Variants in RFX2 observed in about 807,000 individuals in gnomAD.
The protein encoded by RFX2 is DNA-binding protein RFX2.
A neutral mutation model predicts 87.8 loss-of-function variants in RFX2; 20 were observed. The ratio of observed to expected loss-of-function variants is 0.23; its 90% CI spans 0.16 to 0.33. The LOEUF (loss-of-function observed/expected upper bound fraction) is 0.33. Among genes scored for constraint, RFX2 ranks in the 10% least tolerant of loss-of-function variants. The probability of loss-of-function intolerance (pLI) is 1.00; values close to 1 mark genes in which losing one functional copy is unlikely to be tolerated. For synonymous variants in RFX2, 397 were observed against 431.3 expected (o/e 0.92, Z 0.98); for missense variants, 767 against 1,012.3 (o/e 0.76, Z 3.29).
rs1477131203 is a variant in RFX2, at chr19:6,086,458, A to G, written c.-9+23935T>C. On this transcript the variant is annotated intron_variant, in intron 1 of 17. Coordinates refer to ENST00000303657, the MANE Select transcript of RFX2 (RefSeq NM_000635.4). The stretch of plus-strand genomic sequence containing the variant: ...AGGCAATTGTAACACAGTGGTAAGT[A>G]TTTGTATCTCCAAACATGGCTAAGC... Among the ~76,000 whole-genome samples, 4 of 152,238 alleles carry G rather than the reference A, an allele frequency of 2.6e-5. No homozygotes were observed. In the East Asian group the frequency reaches 5.8e-4, roughly 22 times the overall value.
intron 3 of RFX2, among the ~76,000 whole-genome samples, chr19:6,043,423 G>C (rs10424464): frequency 0.02 from 3,019 of 152,350 alleles, 97 homozygotes; most frequent in African/African-American, 0.068. Flanking sequence ...GAAGAGCGGT[G>C]CATTCTCTAG....
At chr19:6,084,639 C>CTTCTTTTTTT (rs2087831336) in intron 1 of RFX2, among the ~76,000 whole-genome samples, 1 of 122,944 alleles carries the variant, frequency 8.1e-6, no homozygotes, top group Non-Finnish European at 1.6e-5. Context: ...TTCTTTCTTT[C>CTTCTTTTTTT]TTTCTTTTTT....
At chr19:6,081,736 T>A (rs1427998413) in intron 1 of RFX2, among the ~76,000 whole-genome samples, 2 of 152,192 alleles carry the variant, frequency 1.3e-5, no homozygotes, top group Non-Finnish European at 2.9e-5. Context: ...GTGGATCACC[T>A]GAGGTCGGGA....
At chr19:6,003,449 C>T (rs1282215407) in intron 13 of RFX2, among the ~76,000 whole-genome samples, 1 of 152,104 alleles carries the variant, frequency 6.6e-6, no homozygotes, top group Non-Finnish European at 1.5e-5. Context: ...GGGTGCCCTG[C>T]AGCTGCCTCC....
intron 5 of RFX2, among the ~76,000 whole-genome samples, chr19:6,034,803 G>A (rs992786753): frequency 6.6e-6 from 1 of 152,150 alleles, no homozygotes; most frequent in Non-Finnish European, 1.5e-5. Context: ...ACCAGGAAGG[G>A]GTGCTCTCTG....
intron 1 of RFX2, among the ~76,000 whole-genome samples, chr19:6,095,685 G>A (rs1350082014): frequency 6.6e-6 from 1 of 152,032 alleles, no homozygotes; most frequent in African/African-American, 2.4e-5. Flanking sequence ...GGGGGAAATA[G>A]GATGGACCAC....
rs2087065117 is a variant in RFX2, at chr19:6,039,093, T to TAAAC, written c.522+883_522+886dup. ...AAATGGCCCTCAACTAGTGAATGAA[T>TAAAC]AAACAAACTGTAGTGTAATAGAATA... is the stretch of plus-strand genomic sequence containing the variant. On this transcript the variant is annotated intron_variant, in intron 5 of 17. Coordinates refer to ENST00000303657, the MANE Select transcript of RFX2 (RefSeq NM_000635.4). This position sits in a 1 kb window ranked among gnomAD's most constrained non-coding sequence, Gnocchi z 5.2. Among the ~76,000 whole-genome samples, 1 of 152,040 alleles carries TAAAC rather than the reference T, an allele frequency of 6.6e-6. No individual in the cohort carries two copies. The highest frequency in any genetic ancestry group is 6.6e-5 in the Admixed American group (1 of 15,264).
chr19:6,035,918 T>C lies in RFX2; in HGVS notation c.522+4062A>G, dbSNP rs115091546. On this transcript the variant is annotated intron_variant, in intron 5 of 17. Transcript: ENST00000303657. ...ACATAGCCTATTCACGGATTTCTAA[T>C]TGATTTAATAATTTAGTTCTTCCAG... 1.7e-3 allele frequency among the ~76,000 whole-genome samples: 264 copies of C among 151,646 alleles called. 1 individual carries two copies. The highest frequency in any genetic ancestry group is 6.0e-3 in the African/African-American group (246 of 41,264).
chr19:6,097,865 G>C (rs1036679933), intron 1 of RFX2, among the ~76,000 whole-genome samples: 2 of 152,164 alleles, frequency 1.3e-5, no homozygotes, highest in African/African-American at 4.8e-5. Flanking sequence ...TTACAGGCAT[G>C]AGCCACTGTG....
chr19:6,019,445 T>C (rs2086775913), intron 6 of RFX2, among the ~76,000 whole-genome samples: 1 of 151,528 alleles, frequency 6.6e-6, no homozygotes, highest in Non-Finnish European at 1.5e-5. Context: ...AGCTCCGGAG[T>C]CTTCCCTGTA....
intron 3 of RFX2, 102 bp from the exon 4 acceptor site, chr19:6,042,225 A>ACAATTGCCTTTAT (rs2087120725): frequency 9.9e-7 from 1 of 1,009,008 alleles, no homozygotes; most frequent in African/African-American, 1.6e-5. Flanking sequence ...ATGAACATTT[A>ACAATTGCCTTTAT]GTACCAAATG....
intron 1 of RFX2, among the ~76,000 whole-genome samples, chr19:6,092,181 G>GT (rs2087945244): frequency 6.6e-6 from 1 of 152,228 alleles, no homozygotes; most frequent in African/African-American, 2.4e-5. Context: ...AATTGTTTAC[G>GT]TAGAGTTAAA....
At position 6,007,671 on chromosome 19, in the gene RFX2, G is replaced by A. The variant is rs1223018213; in HGVS notation, c.1247+19C>T. 1.3e-6 allele frequency: 2 copies of A among 1,489,852 alleles called. No homozygotes were observed. The highest frequency in any genetic ancestry group is 1.8e-6 in the Non-Finnish European group (2 of 1,090,782). 92.3% of individuals were successfully genotyped at this position (1,489,852 alleles called of 1,614,324 possible). A position where few individuals can be genotyped will look rare whatever the true frequency, so the allele number is the denominator to read the frequency against. ...TAAGTCTGGGGTGGCTGTGAACCCAGCCAGGGTGTGGCAGTCACCTGGCAG... is the reference window on the plus strand; with the variant it reads ...TAAGTCTGGGGTGGCTGTGAACCCAACCAGGGTGTGGCAGTCACCTGGCAG... On this transcript the variant is annotated intron_variant, in intron 11 of 17. Transcript: ENST00000303657. The surrounding 1 kb of genome is among the most constrained non-coding windows in gnomAD (Gnocchi z 8.2).
Position 5,997,425 on chromosome 19 carries a change from CT to C in RFX2, c.1860-213del. The C allele has an allele frequency of 1.8e-6, 1 of 555,378 alleles. No individual in the cohort carries two copies. The highest frequency in any genetic ancestry group is 3.1e-6 in the Non-Finnish European group (1 of 318,952). 34.4% of individuals were successfully genotyped at this position (555,378 alleles called of 1,614,324 possible). Reference sequence around the variant, plus strand: ...CGGACAGGTGGGGCCGGCCTGCGCGCTCAGTTCCAGAGACCACCTGGGGAAC... The same window carrying C: ...CGGACAGGTGGGGCCGGCCTGCGCGCCAGTTCCAGAGACCACCTGGGGAAC... On this transcript the variant is annotated intron_variant, in intron 15 of 17. Transcript: ENST00000303657. The surrounding 1 kb of genome is among the most constrained non-coding windows in gnomAD (Gnocchi z 4.2).
At chr19:6,035,850 G>GGGTGTGTGT (rs1555776252) in intron 5 of RFX2, among the ~76,000 whole-genome samples, 10 of 137,166 alleles carry the variant, frequency 7.3e-5, no homozygotes, top group African/African-American at 3.0e-4. Context: ...CTTGGTGGGG[G>GGGTGTGTGT]GTGTGTGTGT....
At chr19:6,015,956 TA>T in intron 7 of RFX2, 133 bp downstream of exon 7, 1 of 754,782 alleles carries the variant, frequency 1.3e-6, no homozygotes, top group Non-Finnish European at 1.9e-6. Context: ...CAATTGAAAG[TA>T]ACTGCAAGCA....
rs2086853504 is a variant in RFX2 at position 6,023,969 on chromosome 19, G to A, written c.597+2194C>T. Among the ~76,000 whole-genome samples the A allele has an allele frequency of 1.3e-5, 2 of 152,216 alleles. 1 individual carries two copies. Among genetic ancestry groups the A allele is most frequent in the South Asian group, 4.1e-4 (2 of 4,826 alleles). On this transcript the variant is annotated intron_variant, in intron 6 of 17. Coordinates refer to ENST00000303657, the MANE Select transcript of RFX2 (RefSeq NM_000635.4). This position sits in a 1 kb window ranked among gnomAD's most constrained non-coding sequence, Gnocchi z 4.9. ...TAATATTTGTATTTTTGGTAGAGATGGGGTTTCGTCATGTTGGTCAGGCTG... is the reference window on the plus strand; with the variant it reads ...TAATATTTGTATTTTTGGTAGAGATAGGGTTTCGTCATGTTGGTCAGGCTG...
At chr19:6,003,489 C>T (rs1170300396) in intron 13 of RFX2, among the ~76,000 whole-genome samples, 1 of 151,844 alleles carries the variant, frequency 6.6e-6, no homozygotes. Context: ...AGGAAATGCT[C>T]ATGATGGCTG....
chr19:6,025,391 T>C (rs866453670), intron 6 of RFX2, among the ~76,000 whole-genome samples: 2 of 152,326 alleles, frequency 1.3e-5, no homozygotes, highest in South Asian at 4.1e-4. Context: ...AATTAGCTGC[T>C]TTATGCTTTT....
Sources: gnomAD v4.1 joint callset for allele counts (sites outside exome capture counted in the v4.1 genomes callset) on GRCh38, gnomAD v4.1.1 for gene constraint, Gnocchi (gnomAD v3.1) non-coding constraint, MANE v1.5 for transcripts, NCBI Gene and HGNC (gene_info 2026-07-23, HGNC 2026-07-21) for gene names.